Variants in WFDC8 observed in about 807,000 individuals in gnomAD.
WFDC8 encodes WAP four-disulfide core domain 8.
In WFDC8, 24 loss-of-function variants were observed where a neutral mutation model predicts 27.0. The observed-to-expected ratio is 0.89, with a 90% CI of 0.64 to 1.25. The LOEUF is 1.25. WFDC8 is among the 50% of genes most tolerant of loss of function. WFDC8 has a pLI of 0.00. For synonymous variants in WFDC8, 106 were observed against 99.7 expected (o/e 1.06, Z -0.38); for missense variants, 287 against 295.9 (o/e 0.97, Z 0.22).
chr20:45,564,464 G>T (rs917446238), intron 1 of WFDC8, among the ~76,000 whole-genome samples: 1 of 152,140 alleles, frequency 6.6e-6, no homozygotes, highest in Non-Finnish European at 1.5e-5. Flanking sequence ...GAGGTCAGGA[G>T]ATTGAGACCA....
At chr20:45,558,709 G>C in intron 3 of WFDC8, 143 bp downstream of exon 3, 2 of 980,684 alleles carry the variant, frequency 2.0e-6, no homozygotes, top group Non-Finnish European at 3.0e-6. Flanking sequence ...CTTATGACTT[G>C]TACTTGAGGG....
At chr20:45,565,664 G>GA (rs1980651734) in intron 1 of WFDC8, among the ~76,000 whole-genome samples, 1 of 152,188 alleles carries the variant, frequency 6.6e-6, no homozygotes, top group Non-Finnish European at 1.5e-5. Flanking sequence ...GTGTGAGTAA[G>GA]AAATACCAAG....
At chr20:45,559,658 A>G (rs1980394241) in intron 2 of WFDC8, 1 of 152,240 alleles carries the variant, frequency 6.6e-6, no homozygotes, top group Non-Finnish European at 1.5e-5. Flanking sequence ...GGTGATGTCT[A>G]TAATGCCTGG....
intron 3 of WFDC8, among the ~76,000 whole-genome samples, chr20:45,557,557 T>A (rs1343670680): frequency 6.6e-6 from 1 of 152,088 alleles, no homozygotes; most frequent in African/African-American, 2.4e-5. Flanking sequence ...CTCAGCCTCC[T>A]GAGTAGCCGG....
intron 1 of WFDC8, among the ~76,000 whole-genome samples, chr20:45,569,472 T>C (rs6104232): frequency 0.36 from 55,484 of 152,020 alleles, 10,761 homozygotes; most frequent in Non-Finnish European, 0.43. Flanking sequence ...AAAAATTAAT[T>C]CATAAGAAAA....
At chr20:45,559,508 C>T (rs6104221) in intron 2 of WFDC8, among the ~76,000 whole-genome samples, 58,221 of 151,918 alleles carry the variant, frequency 0.38, 11,628 homozygotes, top group Non-Finnish European at 0.43. Flanking sequence ...GTCAGGCAGA[C>T]CTGGCTCGGG....
At chr20:45,568,147 A>G (rs766205278) in intron 1 of WFDC8, 20 of 350,394 alleles carry the variant, frequency 5.7e-5, no homozygotes, top group Non-Finnish European at 1.1e-4. Flanking sequence ...TCCACTACCC[A>G]ATTTCCAACT....
chr20:45,568,508 G>T, intron 1 of WFDC8: 1 of 353,666 alleles, frequency 2.8e-6, no homozygotes, highest in South Asian at 2.5e-5. Flanking sequence ...ATTCTTGATA[G>T]AGACACACCT....
intron 1 of WFDC8, among the ~76,000 whole-genome samples, chr20:45,576,783 C>T (rs576980368): frequency 4.0e-5 from 6 of 151,544 alleles, no homozygotes; most frequent in East Asian, 3.9e-4. Flanking sequence ...CATTCTTTTG[C>T]GTTCAACCAT....
At chr20:45,567,298 T>C (rs1180795871) in intron 1 of WFDC8, among the ~76,000 whole-genome samples, 2 of 152,132 alleles carry the variant, frequency 1.3e-5, no homozygotes, top group African/African-American at 4.8e-5. Flanking sequence ...TACATAAATA[T>C]ATTCAAAATA....
chr20:45,565,061 AG>A (rs1980626416), intron 1 of WFDC8, among the ~76,000 whole-genome samples: 1 of 143,536 alleles, frequency 7.0e-6, no homozygotes, highest in Non-Finnish European at 1.5e-5. Context: ...GGAAGAAGAG[AG>A]AGGGAGGGAA....
chr20:45,569,136 C>G (rs946839571), intron 1 of WFDC8, among the ~76,000 whole-genome samples: 3 of 152,126 alleles, frequency 2.0e-5, no homozygotes. Context: ...TTCACAGGGC[C>G]ACTTCTGGCC....
Position 45,552,172 on chromosome 20 carries a change from G to A in WFDC8, c.587-7C>T. The A allele has an allele frequency of 6.2e-7, 1 of 1,611,826 alleles. No homozygotes were observed. Among genetic ancestry groups the A allele is most frequent in the Admixed American group, 1.7e-5 (1 of 59,614 alleles). ...GGGCAGAAACCTTTTTTGACTTTATGGGGTAAAAGAAAACACTTGACCTTG... is the reference window on the plus strand; with the variant it reads ...GGGCAGAAACCTTTTTTGACTTTATAGGGTAAAAGAAAACACTTGACCTTG... On this transcript the variant is annotated splice_region_variant and splice_polypyrimidine_tract_variant and intron_variant, in intron 5 of 5. Coordinates refer to ENST00000289953, the MANE Select transcript of WFDC8 (RefSeq NM_130896.3).
intron 1 of WFDC8, among the ~76,000 whole-genome samples, chr20:45,565,021 A>G (rs113523866): frequency 6.0e-4 from 88 of 146,632 alleles, no homozygotes; most frequent in Non-Finnish European, 9.0e-4. Flanking sequence ...AAAGAGAAAG[A>G]AAGGAAGGAA....
intron 1 of WFDC8, among the ~76,000 whole-genome samples, chr20:45,570,502 T>C (rs1192640925): frequency 6.6e-6 from 1 of 152,240 alleles, no homozygotes; most frequent in Non-Finnish European, 1.5e-5. Context: ...GTTTGTTCTT[T>C]TTTATTGCTG....
chr20:45,567,214 T>C (rs1980709469), intron 1 of WFDC8, among the ~76,000 whole-genome samples: 1 of 152,210 alleles, frequency 6.6e-6, no homozygotes, highest in Non-Finnish European at 1.5e-5. Context: ...ACTGAACATA[T>C]ATGCATGGAA....
Position 45,570,975 on chromosome 20 carries a change from G to A in WFDC8, c.26+8247C>T, listed in dbSNP as rs141127408. On this transcript the variant is annotated intron_variant, in intron 1 of 5. Transcript: ENST00000289953. Reference sequence around the variant, plus strand: ...TCAAATGTTGGTGGGAAGATTTTTCGTATTTTCCAACTTCTCCTAGGACAG... The same window carrying A: ...TCAAATGTTGGTGGGAAGATTTTTCATATTTTCCAACTTCTCCTAGGACAG... 1.3e-3 allele frequency among the ~76,000 whole-genome samples: 199 copies of A among 152,148 alleles called. 1 individual carries two copies. The highest frequency in any genetic ancestry group is 4.5e-3 in the African/African-American group (186 of 41,490).
chr20:45,563,518 CACCT>C (rs1169293919), intron 1 of WFDC8, among the ~76,000 whole-genome samples: 13 of 152,182 alleles, frequency 8.5e-5, no homozygotes, highest in African/African-American at 3.1e-4. Context: ...ACAATAATAA[CACCT>C]ACCTCACAGA....
chr20:45,572,904 G>A (rs941175465), intron 1 of WFDC8, among the ~76,000 whole-genome samples: 1 of 152,226 alleles, frequency 6.6e-6, no homozygotes. Flanking sequence ...ACCGCGCCCA[G>A]CCTTTGTATG....
Sources: gnomAD v4.1 joint callset for allele counts (sites outside exome capture counted in the v4.1 genomes callset) on GRCh38, gnomAD v4.1.1 for gene constraint, MANE v1.5 for transcripts, NCBI Gene and HGNC (gene_info 2026-07-23, HGNC 2026-07-21) for gene names.